MAP2K4: variants seen among roughly 807,000 people sequenced by gnomAD.
MAP2K4 encodes mitogen-activated protein kinase kinase 4.
In MAP2K4, 4 loss-of-function variants were observed where a neutral mutation model predicts 48.5. The observed-to-expected ratio is 0.08, with a 90% CI of 0.04 to 0.19. The LOEUF (loss-of-function observed/expected upper bound fraction) is 0.19. MAP2K4 is among the 10% of genes least tolerant of loss of function. The pLI, the probability that MAP2K4 is intolerant of heterozygous loss-of-function variation, is 1.00. For missense variants in MAP2K4, 258 were observed against 493.3 expected (o/e 0.52, Z 4.52); for synonymous variants, 166 against 173.1 (o/e 0.96, Z 0.32).
rs1481300961 is a variant in MAP2K4, at chr17:12,103,848, TTTAG to T, written c.514-3938_514-3935del. Among the ~76,000 whole-genome samples the T allele has an allele frequency of 1.8e-4, 27 of 152,196 alleles. 1 individual carries two copies. Among genetic ancestry groups the T allele is most frequent in the Admixed American group, 2.6e-4 (4 of 15,272 alleles). ...TAAATATAGATTCGTAATATACAGATTTAGTTAATTTATTTTAACTGTAGTATTC... is the reference window on the plus strand; with the variant it reads ...TAAATATAGATTCGTAATATACAGATTTAATTTATTTTAACTGTAGTATTC... On this transcript the variant is annotated intron_variant, in intron 4 of 10. Transcript: ENST00000353533.
At chr17:12,048,209 CA>C (rs1372186055) in intron 1 of MAP2K4, among the ~76,000 whole-genome samples, 3 of 152,168 alleles carry the variant, frequency 2.0e-5, no homozygotes, top group African/African-American at 7.2e-5. Flanking sequence ...CCCAACGAAA[CA>C]GTCTTTGTGG....
chr17:12,068,207 G>A (rs998387479), intron 2 of MAP2K4, among the ~76,000 whole-genome samples: 2 of 152,216 alleles, frequency 1.3e-5, no homozygotes, highest in African/African-American at 4.8e-5. Flanking sequence ...GTTAGGTATG[G>A]AGAGATGGGC....
At chr17:12,052,277 G>A (rs1367787461) in intron 1 of MAP2K4, among the ~76,000 whole-genome samples, 2 of 152,198 alleles carry the variant, frequency 1.3e-5, no homozygotes, top group East Asian at 3.9e-4. Flanking sequence ...GATAATTGCA[G>A]ATGTCTCTGA....
At chr17:12,066,719 T>A (rs899886831) in intron 2 of MAP2K4, among the ~76,000 whole-genome samples, 2 of 152,110 alleles carry the variant, frequency 1.3e-5, no homozygotes, top group African/African-American at 4.8e-5. Flanking sequence ...AGACGGAGTC[T>A]CGTTCTGTCG....
At position 12,076,936 on chromosome 17, in the gene MAP2K4, A is replaced by G. The variant is rs188643237; in HGVS notation, c.219-4420A>G. 2.0e-3 allele frequency among the ~76,000 whole-genome samples: 304 copies of G among 152,138 alleles called. 2 individuals carry two copies. Among genetic ancestry groups the G allele is most frequent in the African/African-American group, 7.0e-3 (289 of 41,536 alleles). ...TTTATTCATGTGTTTTTTGCAGGGTACTGTGGTATGGACTAGAGAACTTGG... is the reference window on the plus strand; with the variant it reads ...TTTATTCATGTGTTTTTTGCAGGGTGCTGTGGTATGGACTAGAGAACTTGG... On this transcript the variant is annotated intron_variant, in intron 2 of 10. Coordinates refer to ENST00000353533, the MANE Select transcript of MAP2K4 (RefSeq NM_003010.4).
At chr17:12,066,851 G>A (rs893197991) in intron 2 of MAP2K4, among the ~76,000 whole-genome samples, 19 of 152,234 alleles carry the variant, frequency 1.2e-4, no homozygotes, top group Non-Finnish European at 2.5e-4. Flanking sequence ...CACTGCGCCC[G>A]GCTAATTTTT....
At chr17:12,071,415 T>C (rs1248014646) in intron 2 of MAP2K4, among the ~76,000 whole-genome samples, 3 of 152,112 alleles carry the variant, frequency 2.0e-5, no homozygotes, top group Non-Finnish European at 2.9e-5. Flanking sequence ...CATAGTTGAA[T>C]CATAGAAGAT....
chr17:12,088,055 G>A (rs1440779546), intron 3 of MAP2K4, among the ~76,000 whole-genome samples: 1 of 152,106 alleles, frequency 6.6e-6, no homozygotes, highest in African/African-American at 2.4e-5. Flanking sequence ...TGCTGCTATG[G>A]TTTCTAGGAT....
chr17:12,121,574 CAAAAAAAA>C (rs10569548), intron 7 of MAP2K4, among the ~76,000 whole-genome samples: 1 of 101,544 alleles, frequency 9.8e-6, no homozygotes, highest in African/African-American at 4.0e-5. Flanking sequence ...GACTCCGTCT[CAAAAAAAA>C]AAAAAAAAAA....
In MAP2K4 at chr17:12,084,337, C is replaced by T. The variant is rs186789249; in HGVS notation, c.393+2807C>T. On this transcript the variant is annotated intron_variant, in intron 3 of 10. Transcript: ENST00000353533. ...TATCGGTGAGTTTCTGCATTAGGAC[C>T]TAAGATGTGAACATGGTTTACCCTT... Among the ~76,000 whole-genome samples, 39 of 152,250 alleles carry T rather than the reference C, an allele frequency of 2.6e-4. No homozygotes were observed. In the East Asian group the frequency reaches 6.8e-3, roughly 26 times the overall value.
At chr17:12,098,558 A>G (rs948347670) in intron 4 of MAP2K4, among the ~76,000 whole-genome samples, 12 of 151,840 alleles carry the variant, frequency 7.9e-5, no homozygotes, top group African/African-American at 2.7e-4. Flanking sequence ...ATTGAATAAG[A>G]CTTTAAAGAA....
At chr17:12,087,085 G>T (rs1344326206) in intron 3 of MAP2K4, among the ~76,000 whole-genome samples, 2 of 152,080 alleles carry the variant, frequency 1.3e-5, no homozygotes, top group Admixed American at 6.6e-5. Context: ...GACTTCAGGT[G>T]ATCTGCCCGC....
At chr17:12,058,939 C>T (rs968387881) in intron 2 of MAP2K4, among the ~76,000 whole-genome samples, 2 of 152,092 alleles carry the variant, frequency 1.3e-5, no homozygotes, top group Middle Eastern at 3.4e-3. Context: ...CTCTTGAAAT[C>T]GATTAGTTTT....
At chr17:12,129,050 T>C (rs1972944637) in intron 8 of MAP2K4, 89 bp from the exon 9 acceptor site, 7 of 1,295,642 alleles carry the variant, frequency 5.4e-6, no homozygotes. Context: ...AGAGTTTTGC[T>C]TGTAGTTTAG....
chr17:12,088,934 CAG>C (rs935501965), intron 3 of MAP2K4, among the ~76,000 whole-genome samples: 3 of 134,910 alleles, frequency 2.2e-5, no homozygotes, highest in African/African-American at 8.4e-5. Context: ...TTTTTTGAGA[CAG>C]AGTCTCGCTC....
rs567314043 is a variant in MAP2K4 at position 12,043,132 on chromosome 17, A to G, written c.116-11757A>G. ...CTTGATAATCCTTGATAATATTTTC[A>G]TACCTGTTTGTAAATCAACTATTGA... On this transcript the variant is annotated intron_variant, in intron 1 of 10. Transcript: ENST00000353533. Among the ~76,000 whole-genome samples the G allele has an allele frequency of 2.1e-3, 324 of 152,288 alleles. 2 individuals are homozygous for G. Among genetic ancestry groups the G allele is most frequent in the Non-Finnish European group, 3.6e-3 (244 of 68,016 alleles).
chr17:12,034,633 C>T (rs937285101), intron 1 of MAP2K4, among the ~76,000 whole-genome samples: 4 of 152,332 alleles, frequency 2.6e-5, no homozygotes, highest in Middle Eastern at 3.4e-3. Flanking sequence ...AGGCCCCTGC[C>T]GTTAGCAAGC....
intron 4 of MAP2K4, among the ~76,000 whole-genome samples, chr17:12,101,610 A>T (rs373814567): frequency 6.4e-4 from 97 of 152,220 alleles, no homozygotes; most frequent in African/African-American, 2.2e-3. Flanking sequence ...TTGTAGGTCT[A>T]CTGGGGGAGC....
chr17:12,076,094 T>A (rs1424342286), intron 2 of MAP2K4, among the ~76,000 whole-genome samples: 1 of 151,614 alleles, frequency 6.6e-6, no homozygotes, highest in Non-Finnish European at 1.5e-5. Context: ...AGGGTGGGAG[T>A]GAAGGTGGAG....
Sources: allele counts gnomAD v4.1 joint callset (sites outside exome capture counted in the v4.1 genomes callset), GRCh38; gene constraint gnomAD v4.1.1; transcripts MANE v1.5; gene names NCBI Gene and HGNC (gene_info 2026-07-23, HGNC 2026-07-21).